The following EPHA5 variants were observed in gnomAD, a reference collection of about 807,000 sequenced individuals.
EPHA5 encodes ephrin type-A receptor 5.
A neutral mutation model predicts 105.0 loss-of-function variants in EPHA5; 60 were observed. That is an observed-to-expected ratio of 0.57 (90% CI 0.46 to 0.71). The LOEUF (loss-of-function observed/expected upper bound fraction) is 0.71. Ranked by LOEUF, EPHA5 falls within the 30% of genes least tolerant of loss-of-function variation. EPHA5 has a pLI of 0.00. For missense variants in EPHA5, 1,218 were observed against 1,274.7 expected (o/e 0.96, Z 0.68); for synonymous variants, 513 against 449.1 (o/e 1.14, Z -1.80).
At chr4:65,536,273 T>G (rs1376695003) in intron 3 of EPHA5, among the ~76,000 whole-genome samples, 2 of 151,986 alleles carry the variant, frequency 1.3e-5, no homozygotes, top group Non-Finnish European at 2.9e-5. Flanking sequence ...TGATAGGACT[T>G]CTTTCAGTTC....
At chr4:65,452,418 C>T (rs890572740) in intron 5 of EPHA5, among the ~76,000 whole-genome samples, 1 of 151,924 alleles carries the variant, frequency 6.6e-6, no homozygotes, top group Non-Finnish European at 1.5e-5. Flanking sequence ...ATTTTAAATG[C>T]TGAGATATGT....
intron 5 of EPHA5, among the ~76,000 whole-genome samples, chr4:65,446,711 A>G (rs1726569606): frequency 6.6e-6 from 1 of 152,140 alleles, no homozygotes; most frequent in African/African-American, 2.4e-5. Context: ...ATGGACATAA[A>G]GTACATTATA....
At chr4:65,476,127 AGTGT>A (rs58933650) in intron 5 of EPHA5, among the ~76,000 whole-genome samples, 22 of 119,186 alleles carry the variant, frequency 1.8e-4, no homozygotes, top group African/African-American at 5.6e-4. Context: ...AGAGAGAGAG[AGTGT>A]GTGTGTGTGT....
chr4:65,453,097 T>C (rs963432604), intron 5 of EPHA5, among the ~76,000 whole-genome samples: 4 of 152,204 alleles, frequency 2.6e-5, no homozygotes, highest in Non-Finnish European at 5.9e-5. Flanking sequence ...AATCATTTTT[T>C]GATACTCGTA....
chr4:65,361,719 G>C (rs1217248100), intron 11 of EPHA5, among the ~76,000 whole-genome samples: 2 of 151,696 alleles, frequency 1.3e-5, no homozygotes, highest in Admixed American at 6.6e-5. Context: ...TGCAGATATA[G>C]AAATAAAGAG....
intron 14 of EPHA5, among the ~76,000 whole-genome samples, chr4:65,340,918 T>A (rs1721650389): frequency 6.6e-6 from 1 of 151,930 alleles, no homozygotes; most frequent in South Asian, 2.1e-4. Context: ...AATTATGGAG[T>A]ATGGCAAGGA....
At position 65,431,535 on chromosome 4, in the gene EPHA5, T is replaced by G. The variant is rs2149064042; in HGVS notation, c.1403-10970A>C. Among the ~76,000 whole-genome samples the G allele has an allele frequency of 3.9e-5, 6 of 152,184 alleles. No homozygotes were observed. The South Asian group carries it at 1.2e-3, about 32-fold the overall frequency. On this transcript the variant is annotated intron_variant, in intron 5 of 16. Transcript: ENST00000613740. The stretch of plus-strand genomic sequence containing the variant: ...CATCTCTTTCTCCATCTCATGGACT[T>G]TTAACAGGTCTTCCCACCGAAGAAA...
chr4:65,612,346 T>A (rs1310968987), intron 2 of EPHA5, among the ~76,000 whole-genome samples: 1 of 152,020 alleles, frequency 6.6e-6, no homozygotes, highest in Non-Finnish European at 1.5e-5. Flanking sequence ...CCTTGCCGAG[T>A]TTCCAAAACT....
Position 65,322,363 on chromosome 4 carries a change from G to T in EPHA5, c.*1751C>A. 4.5e-6 allele frequency: 1 copy of T among 224,196 alleles called. No homozygotes were observed. Among genetic ancestry groups the T allele is most frequent in the Non-Finnish European group, 8.9e-6 (1 of 112,206 alleles). 13.9% of individuals were successfully genotyped at this position (224,196 alleles called of 1,614,324 possible). ...AAATAAAACAAGTGCTTGGAAAAAA[G>T]AATACCATTAATATAACGTGGCTAT... is the stretch of plus-strand genomic sequence containing the variant. On this transcript the variant is annotated 3_prime_UTR_variant, in exon 17 of 17. Transcript: ENST00000613740.
intron 3 of EPHA5, among the ~76,000 whole-genome samples, chr4:65,547,797 A>G (rs1578394914): frequency 6.6e-6 from 1 of 152,152 alleles, no homozygotes. Context: ...CAGGGGCTGG[A>G]GGGTCACAGT....
intron 5 of EPHA5, among the ~76,000 whole-genome samples, chr4:65,487,355 TACTA>T (rs1038926602): frequency 1.3e-5 from 2 of 152,128 alleles, no homozygotes; most frequent in African/African-American, 4.8e-5. Context: ...ACAAAAATGA[TACTA>T]ACTCCTATCT....
chr4:65,480,811 C>T lies in EPHA5; in HGVS notation c.1402+9566G>A, dbSNP rs570400639. ...AGCCACTTCATATCCTTTATTAATG[C>T]TCTTTTCTATTTCAACTAGCCAGAG... On this transcript the variant is annotated intron_variant, in intron 5 of 16. Transcript: ENST00000613740. Among the ~76,000 whole-genome samples, 795 of 152,092 alleles carry T rather than the reference C, an allele frequency of 5.2e-3. 4 individuals carry two copies. Among genetic ancestry groups the T allele is most frequent in the Non-Finnish European group, 8.3e-3 (562 of 68,002 alleles).
intron 8 of EPHA5, among the ~76,000 whole-genome samples, chr4:65,382,829 A>G (rs1028405847): frequency 2.0e-5 from 3 of 151,746 alleles, no homozygotes; most frequent in African/African-American, 7.2e-5. Context: ...AGAGATACTC[A>G]ATAAACACGT....
chr4:65,462,383 T>G (rs970906285), intron 5 of EPHA5, among the ~76,000 whole-genome samples: 2 of 152,198 alleles, frequency 1.3e-5, no homozygotes, highest in Non-Finnish European at 2.9e-5. Context: ...CCAACTGCTG[T>G]AATGAAACTG....
At chr4:65,461,462 C>T (rs754823664) in intron 5 of EPHA5, among the ~76,000 whole-genome samples, 4 of 152,016 alleles carry the variant, frequency 2.6e-5, no homozygotes, top group Admixed American at 1.3e-4. Context: ...AACATATTTT[C>T]GATATACAAA....
At chr4:65,596,743 A>G (rs1181063408) in intron 3 of EPHA5, among the ~76,000 whole-genome samples, 1 of 151,952 alleles carries the variant, frequency 6.6e-6, no homozygotes, top group Non-Finnish European at 1.5e-5. Flanking sequence ...GATATTCTGT[A>G]CTTCCATAAT....
chr4:65,444,807 G>T (rs140532687), intron 5 of EPHA5, among the ~76,000 whole-genome samples: 1 of 151,838 alleles, frequency 6.6e-6, no homozygotes, highest in East Asian at 1.9e-4. Context: ...CCTTTTGCTT[G>T]GTTGCTTTTA....
intron 14 of EPHA5, among the ~76,000 whole-genome samples, chr4:65,340,311 T>G (rs756256035): frequency 1.2e-4 from 19 of 152,168 alleles, no homozygotes; most frequent in Non-Finnish European, 2.5e-4. Flanking sequence ...ACTTCTGTGT[T>G]GTGCTCCATT....
At chr4:65,460,861 A>G (rs1440775198) in intron 5 of EPHA5, among the ~76,000 whole-genome samples, 2 of 151,778 alleles carry the variant, frequency 1.3e-5, no homozygotes, top group African/African-American at 2.4e-5. Context: ...ATTTTATACC[A>G]CAGTGATTTT....
Sources: gnomAD v4.1 joint callset for allele counts (sites outside exome capture counted in the v4.1 genomes callset) on GRCh38, gnomAD v4.1.1 for gene constraint, MANE v1.5 for transcripts, NCBI Gene and HGNC (gene_info 2026-07-23, HGNC 2026-07-21) for gene names.